The following ANKRD36C variants were observed in gnomAD, a reference collection of about 807,000 sequenced individuals.
ANKRD36C encodes the protein ankyrin repeat domain 36C, also known as ankyrin repeat domain-containing protein 36C.
In ANKRD36C, 61 loss-of-function variants were observed where a neutral mutation model predicts 276.4. The ratio of observed to expected loss-of-function variants is 0.22; its 90% CI spans 0.18 to 0.27. The LOEUF (loss-of-function observed/expected upper bound fraction) is 0.27, where lower values mean the gene tolerates loss of function less well. ANKRD36C is among the 10% of genes least tolerant of loss of function. The probability of loss-of-function intolerance (pLI) is 1.00; values close to 1 mark genes in which losing one functional copy is unlikely to be tolerated. For missense variants in ANKRD36C, 1,447 were observed against 2,032.3 expected, an observed-to-expected ratio of 0.71 and a Z score of 5.54; for synonymous variants, 483 against 680.1, an observed-to-expected ratio of 0.71 and a Z score of 4.51.
chr2:95,982,147 T>C, intron 4 of ANKRD36C, 109 bp downstream of exon 4: 1 of 828,560 alleles, frequency 1.2e-6, no homozygotes, highest in South Asian at 2.0e-5. Context: ...ATCCCAATAA[T>C]TAAAAGTTAG....
intron 44 of ANKRD36C, among the ~76,000 whole-genome samples, chr2:95,894,582 T>C (rs990623400): frequency 6.6e-6 from 1 of 151,416 alleles, no homozygotes; most frequent in African/African-American, 2.4e-5. Context: ...AGAGCCTTGT[T>C]GGGAGTATCA....
Position 95,885,906 on chromosome 2 carries a change from C to A in ANKRD36C, c.3163+142G>T, listed in dbSNP as rs1005156789. On this transcript the variant is annotated intron_variant, in intron 52 of 66. Coordinates refer to ENST00000456556, the Ensembl canonical transcript of ANKRD36C. ...AAGGACCAGCACCATCAGGGTCACCCGAGGACTTATTACAAATGAAGAATC... is the reference window on the plus strand; with the variant it reads ...AAGGACCAGCACCATCAGGGTCACCAGAGGACTTATTACAAATGAAGAATC... 1.5e-5 allele frequency: 22 copies of A among 1,468,170 alleles called. No individual in the cohort carries two copies. In the African/African-American group the frequency reaches 2.8e-4, roughly 19 times the overall value. 90.9% of individuals were successfully genotyped at this position (1,468,170 alleles called of 1,614,324 possible).
At chr2:95,911,921 CCTAT>C (rs1676939332) in intron 42 of ANKRD36C, among the ~76,000 whole-genome samples, 2 of 151,396 alleles carry the variant, frequency 1.3e-5, no homozygotes, top group East Asian at 2.0e-4. Flanking sequence ...ATCTGTACTT[CCTAT>C]CTTTCTCCTT....
intron 42 of ANKRD36C, among the ~76,000 whole-genome samples, chr2:95,907,792 T>C (rs553159540): frequency 6.7e-6 from 1 of 149,954 alleles, no homozygotes; most frequent in Non-Finnish European, 1.5e-5. Context: ...TATCTCATTT[T>C]TATAACTAAA....
exon 39 of ANKRD36C, chr2:95,914,285 G>T: frequency 6.5e-7 from 1 of 1,550,222 alleles, no homozygotes; most frequent in Non-Finnish European, 8.7e-7. Context: ...CTTCAAGCCT[G>T]CTGGTTTCTC....
intron 6 of ANKRD36C, among the ~76,000 whole-genome samples, chr2:95,974,240 G>C (rs1678759274): frequency 6.6e-6 from 1 of 152,170 alleles, no homozygotes; most frequent in African/African-American, 2.4e-5. Context: ...AACTTAATTT[G>C]AAAATTTAAA....
intron 10 of ANKRD36C, among the ~76,000 whole-genome samples, chr2:95,959,424 G>C (rs1201106465): frequency 6.6e-6 from 1 of 152,318 alleles, no homozygotes; most frequent in Non-Finnish European, 1.5e-5. Context: ...TTAGCCTTCA[G>C]AAAGTTTATT....
intron 3 of ANKRD36C, 121 bp downstream of exon 3, chr2:95,986,630 C>T (rs1679031300): frequency 8.4e-7 from 1 of 1,193,070 alleles, no homozygotes; most frequent in Non-Finnish European, 1.1e-6. Context: ...TAAGGCATTT[C>T]AAAATATTTT....
chr2:95,922,801 A>C (rs1340751648), intron 32 of ANKRD36C, among the ~76,000 whole-genome samples: 1 of 151,684 alleles, frequency 6.6e-6, no homozygotes. Context: ...AAAAATCAAC[A>C]AAAGATATAT....
At chr2:95,952,824 T>A (rs1334548842) in intron 14 of ANKRD36C, among the ~76,000 whole-genome samples, 1 of 152,302 alleles carries the variant, frequency 6.6e-6, no homozygotes, top group African/African-American at 2.4e-5. Context: ...GTTTGCTGAT[T>A]CACATTAAAA....
At chr2:95,888,183 C>T in intron 48 of ANKRD36C, 63 bp from the exon 69 acceptor site, 2 of 1,602,216 alleles carry the variant, frequency 1.2e-6, no homozygotes, top group Non-Finnish European at 1.7e-6. Context: ...TCCATACATT[C>T]ATGCACTGTT....
intron 59 of ANKRD36C, among the ~76,000 whole-genome samples, chr2:95,875,383 A>G (rs1490328886): frequency 1.1e-4 from 17 of 151,970 alleles, no homozygotes; most frequent in African/African-American, 4.1e-4. Flanking sequence ...CTTTGTAGGG[A>G]CATGGATGAA....
chr2:95,910,408 G>T (rs2104393718), intron 42 of ANKRD36C: 1 of 1,552,960 alleles, frequency 6.4e-7, no homozygotes, highest in Non-Finnish European at 8.7e-7. Flanking sequence ...TTCTTCTCTG[G>T]CTATACTCAA....
At chr2:95,884,753 T>C in intron 52 of ANKRD36C, among the ~76,000 whole-genome samples, 1 of 151,934 alleles carries the variant, frequency 6.6e-6, no homozygotes, top group Non-Finnish European at 1.5e-5. Context: ...ATGCAAGAAA[T>C]CAAAAGGATT....
exon 40 of ANKRD36C, chr2:95,914,146 A>G (rs1434289755): frequency 3.8e-6 from 6 of 1,583,088 alleles, no homozygotes; most frequent in East Asian, 4.6e-5. Context: ...TCCTCTGGCT[A>G]TATTCAAAAC....
chr2:95,909,883 G>A (rs1436567822), intron 42 of ANKRD36C, among the ~76,000 whole-genome samples: 2 of 148,188 alleles, frequency 1.3e-5, no homozygotes, highest in African/African-American at 4.9e-5. Context: ...TTATATAAAT[G>A]ACTGCCTCTT....
At chr2:95,882,862 C>T (rs1374614159) in intron 54 of ANKRD36C, among the ~76,000 whole-genome samples, 2 of 152,142 alleles carry the variant, frequency 1.3e-5, no homozygotes, top group Non-Finnish European at 2.9e-5. Context: ...CTAAATGCTA[C>T]TGCATGTTTT....
chr2:95,862,350 A>G (rs1477919957), intron 60 of ANKRD36C, among the ~76,000 whole-genome samples: 15 of 152,162 alleles, frequency 9.9e-5, no homozygotes, highest in Non-Finnish European at 1.9e-4. Flanking sequence ...CCACAAATCA[A>G]TCAGATTAAA....
intron 35 of ANKRD36C, 39 bp downstream of exon 37, chr2:95,917,975 A>C (rs562484541): frequency 6.3e-7 from 1 of 1,599,394 alleles, no homozygotes; most frequent in East Asian, 2.3e-5. Flanking sequence ...TCAATGAAGT[A>C]TGTGTCATAG....
Sources: allele counts gnomAD v4.1 joint callset (sites outside exome capture counted in the v4.1 genomes callset), GRCh38; gene constraint gnomAD v4.1.1; transcripts MANE v1.5; gene names NCBI Gene and HGNC (gene_info 2026-07-23, HGNC 2026-07-21).